Variants in WDPCP observed in about 807,000 individuals in gnomAD.
WDPCP encodes the protein WD repeat containing planar cell polarity effector.
A neutral mutation model predicts 93.1 loss-of-function variants in WDPCP; 71 were observed. That is an observed-to-expected ratio of 0.76 (90% CI 0.63 to 0.93). The LOEUF (loss-of-function observed/expected upper bound fraction) is 0.93, where lower values mean the gene tolerates loss of function less well. Among genes scored for constraint, WDPCP ranks in the 40% least tolerant of loss-of-function variants. The pLI is 0.00. For missense variants in WDPCP, 844 were observed against 887.4 expected, an observed-to-expected ratio of 0.95 and a Z score of 0.62; for synonymous variants, 315 against 315.0, an observed-to-expected ratio of 1.00 and a Z score of 0.00.
chr2:63,809,911 AAAAT>A (rs1335266223), intron 2 of WDPCP, among the ~76,000 whole-genome samples: 1 of 151,720 alleles, frequency 6.6e-6, no homozygotes, highest in Non-Finnish European at 1.5e-5. Context: ...TGATCAATAA[AAAAT>A]AAATAAATAA....
chr2:63,549,449 C>T (rs746662496), intron 1 of WDPCP, among the ~76,000 whole-genome samples: 1 of 151,750 alleles, frequency 6.6e-6, no homozygotes, highest in Non-Finnish European at 1.5e-5. Context: ...AAAAAATTAC[C>T]AAGTCATTAG....
chr2:63,587,605 T>C (rs550995647), intron 1 of WDPCP, among the ~76,000 whole-genome samples: 27 of 152,360 alleles, frequency 1.8e-4, no homozygotes, highest in Admixed American at 1.6e-3. Flanking sequence ...GTATATGCTG[T>C]GTATGCTACT....
chr2:63,621,159 G>A (rs1709731857), intron 3 of WDPCP, among the ~76,000 whole-genome samples: 1 of 152,026 alleles, frequency 6.6e-6, no homozygotes. Flanking sequence ...AAAACTGGAT[G>A]AAAAATGAGT....
At chr2:63,749,757 A>G (rs1669852302) in intron 2 of WDPCP, among the ~76,000 whole-genome samples, 1 of 152,120 alleles carries the variant, frequency 6.6e-6, no homozygotes, top group African/African-American at 2.4e-5. Context: ...TCTGTAGTTC[A>G]TTGATGCTTT....
At chr2:63,610,648 C>T (rs1392369066) in intron 3 of WDPCP, among the ~76,000 whole-genome samples, 10 of 151,836 alleles carry the variant, frequency 6.6e-5, no homozygotes, top group Admixed American at 6.6e-4. Flanking sequence ...TTGTTTTTGT[C>T]CCATGGCCTA....
At chr2:63,132,549 CTAGA>C (rs1411627354) in intron 17 of WDPCP, among the ~76,000 whole-genome samples, 1 of 148,952 alleles carries the variant, frequency 6.7e-6, no homozygotes, top group Non-Finnish European at 1.5e-5. Context: ...GTACCTCATA[CTAGA>C]TAATTTCAAA....
intron 3 of WDPCP, among the ~76,000 whole-genome samples, chr2:63,600,398 C>T (rs1271170072): frequency 1.3e-5 from 2 of 152,160 alleles, no homozygotes; most frequent in African/African-American, 4.8e-5. Flanking sequence ...ATTACGGAGC[C>T]ACCTTGATTT....
intron 1 of WDPCP, among the ~76,000 whole-genome samples, chr2:63,500,814 TAGTG>T (rs1277552088): frequency 1.3e-5 from 2 of 152,238 alleles, no homozygotes; most frequent in African/African-American, 4.8e-5. Flanking sequence ...TGAGCATTAT[TAGTG>T]AGTATTACAT....
intron 15 of WDPCP, among the ~76,000 whole-genome samples, chr2:63,167,167 C>A (rs1351118781): frequency 6.6e-6 from 1 of 152,120 alleles, no homozygotes; most frequent in Non-Finnish European, 1.5e-5. Context: ...TGACTGTTTT[C>A]GTGCTACAAC....
intron 6 of WDPCP, among the ~76,000 whole-genome samples, chr2:63,468,709 C>G (rs542164770): frequency 3.9e-5 from 6 of 152,114 alleles, no homozygotes; most frequent in African/African-American, 1.2e-4. Context: ...TTCCCTCCCC[C>G]CTTAGCAGGT....
intron 9 of WDPCP, among the ~76,000 whole-genome samples, chr2:63,420,361 T>TAAAAAAAAAAA (rs60889615): frequency 4.5e-4 from 54 of 120,508 alleles, no homozygotes; most frequent in African/African-American, 1.3e-3. Context: ...CATCTTTACT[T>TAAAAAAAAAAA]AAAAAAAAAA....
chr2:63,571,670 G>C (rs2106473439), intron 1 of WDPCP: 1 of 465,298 alleles, frequency 2.1e-6, no homozygotes, highest in East Asian at 7.0e-5. Context: ...ACCATTACTA[G>C]AAGTGGCTCG....
chr2:63,643,590 G>A (rs539855079), intron 3 of WDPCP: 6 of 432,962 alleles, frequency 1.4e-5, no homozygotes, highest in African/African-American at 1.2e-4. Context: ...CCTTGATGAG[G>A]GGATCAGGGT....
At chr2:63,332,189 ATGGT>A (rs1213559603) in intron 12 of WDPCP, among the ~76,000 whole-genome samples, 18 of 151,680 alleles carry the variant, frequency 1.2e-4, no homozygotes, top group African/African-American at 3.9e-4. Flanking sequence ...TATGATTAGA[ATGGT>A]TAGAATGTAT....
intron 3 of WDPCP, among the ~76,000 whole-genome samples, chr2:63,602,028 C>G (rs1390824097): frequency 6.6e-6 from 1 of 152,196 alleles, no homozygotes; most frequent in Non-Finnish European, 1.5e-5. Context: ...CTGGGTACCC[C>G]AGAAACCCAA....
intron 14 of WDPCP, among the ~76,000 whole-genome samples, chr2:63,220,708 AAATTT>A (rs554760663): frequency 9.2e-5 from 14 of 152,184 alleles, no homozygotes; most frequent in African/African-American, 2.4e-4. Context: ...TTCTTTTTTT[AAATTT>A]AATTTAAAGT....
At chr2:63,431,568 A>C (rs909450031) in intron 9 of WDPCP, among the ~76,000 whole-genome samples, 2 of 150,586 alleles carry the variant, frequency 1.3e-5, no homozygotes, top group Admixed American at 1.3e-4. Flanking sequence ...AAAAAAAAAA[A>C]TTAAAGGAAT....
chr2:63,410,977 C>T (rs1391831146), intron 9 of WDPCP, among the ~76,000 whole-genome samples: 1 of 152,102 alleles, frequency 6.6e-6, no homozygotes, highest in Non-Finnish European at 1.5e-5. Context: ...CAGCACTAGA[C>T]AGGTCATCAA....
intron 1 of WDPCP, among the ~76,000 whole-genome samples, chr2:63,501,698 C>CTTCCACTGCAAA (rs1701565080): frequency 6.6e-6 from 1 of 152,194 alleles, no homozygotes. Flanking sequence ...CTCACTGCAA[C>CTTCCACTGCAAA]TTCCACCTCC....
Sources: allele counts gnomAD v4.1 joint callset (sites outside exome capture counted in the v4.1 genomes callset), GRCh38; gene constraint gnomAD v4.1.1; transcripts MANE v1.5; gene names NCBI Gene and HGNC (gene_info 2026-07-23, HGNC 2026-07-21).